KCTD3: variants seen among roughly 807,000 people sequenced by gnomAD.
KCTD3 encodes potassium channel tetramerization domain containing 3.
A neutral mutation model predicts 85.8 loss-of-function variants in KCTD3; 41 were observed. The ratio of observed to expected loss-of-function variants is 0.48; its 90% CI spans 0.37 to 0.62. KCTD3 has a LOEUF of 0.62. Ranked by LOEUF, KCTD3 falls within the 20% of genes least tolerant of loss-of-function variation. KCTD3 has a pLI of 0.00. For synonymous variants in KCTD3, 338 were observed against 345.4 expected (o/e 0.98, Z 0.24); for missense variants, 724 against 989.9 (o/e 0.73, Z 3.60).
chr1:215,581,245 CAATA>C (rs1185684860), intron 8 of KCTD3: 3 of 152,208 alleles, frequency 2.0e-5, no homozygotes, highest in South Asian at 2.1e-4. Flanking sequence ...GACTCTGTCT[CAATA>C]AATAAATAAA....
At chr1:215,569,584 G>A (rs1473013926) in intron 1 of KCTD3, among the ~76,000 whole-genome samples, 11 of 150,148 alleles carry the variant, frequency 7.3e-5, no homozygotes, top group Admixed American at 7.3e-4. Flanking sequence ...AGTTATCTTG[G>A]CACTGTAACT....
At chr1:215,583,870 A>G (rs1659915557) in intron 8 of KCTD3, among the ~76,000 whole-genome samples, 1 of 152,188 alleles carries the variant, frequency 6.6e-6, no homozygotes, top group Non-Finnish European at 1.5e-5. Context: ...ATGACTGAAA[A>G]ATTAATAAGT....
intron 4 of KCTD3, among the ~76,000 whole-genome samples, chr1:215,577,311 T>C (rs1013557191): frequency 3.3e-5 from 5 of 152,136 alleles, no homozygotes; most frequent in African/African-American, 1.2e-4. Flanking sequence ...ATAATTGCGA[T>C]AAAAAGTTAA....
chr1:215,621,208 C>G lies in KCTD3; in HGVS notation c.*590C>G, dbSNP rs1000907999. On this transcript the variant is annotated 3_prime_UTR_variant, in exon 18 of 18. Transcript: ENST00000259154. ...GGATGATTTTAATTTAGTCGTGCGTCATTTTCTGATTCTCATCATTGGGAG... is the reference window on the plus strand; with the variant it reads ...GGATGATTTTAATTTAGTCGTGCGTGATTTTCTGATTCTCATCATTGGGAG... 2.0e-5 allele frequency: 3 copies of G among 152,692 alleles called. No homozygotes were observed. Among genetic ancestry groups the G allele is most frequent in the African/African-American group, 7.2e-5 (3 of 41,566 alleles). The allele number at this position is 152,692 out of a possible 1,614,324, so 9.5% of individuals were successfully genotyped here.
intron 1 of KCTD3, 33 bp from the exon 2 acceptor site, chr1:215,573,753 T>A: frequency 7.6e-7 from 1 of 1,310,862 alleles, no homozygotes; most frequent in Non-Finnish European, 1.1e-6. Context: ...AATCATGTTC[T>A]CACTTATAAT....
chr1:215,601,003 T>G (rs1654812612), intron 10 of KCTD3, among the ~76,000 whole-genome samples: 1 of 151,640 alleles, frequency 6.6e-6, no homozygotes, highest in Non-Finnish European at 1.5e-5. Flanking sequence ...AGTGGCACAA[T>G]CCCCGCTCAC....
At chr1:215,597,607 G>C (rs185314141) in intron 10 of KCTD3, among the ~76,000 whole-genome samples, 296 of 152,270 alleles carry the variant, frequency 1.9e-3, no homozygotes, top group Non-Finnish European at 3.4e-3. Context: ...TGATAGCCTA[G>C]CCTCTAAATA....
At chr1:215,577,347 G>A (rs1389683583) in intron 4 of KCTD3, among the ~76,000 whole-genome samples, 2 of 151,906 alleles carry the variant, frequency 1.3e-5, no homozygotes, top group African/African-American at 4.8e-5. Context: ...TAAAAGAATG[G>A]TTTCCATTCT....
At chr1:215,597,994 A>G (rs1654672698) in intron 10 of KCTD3, among the ~76,000 whole-genome samples, 1 of 152,070 alleles carries the variant, frequency 6.6e-6, no homozygotes, top group Admixed American at 6.6e-5. Flanking sequence ...TTAGATTTAG[A>G]CTTTCTAAAT....
In KCTD3 at chr1:215,567,465, G is replaced by A. The variant is rs1474469502; in HGVS notation, c.-221G>A. On this transcript the variant is annotated 5_prime_UTR_variant, in exon 1 of 18. Coordinates refer to ENST00000259154, the MANE Select transcript of KCTD3 (RefSeq NM_016121.5). The stretch of plus-strand genomic sequence containing the variant: ...TGGAGGCCGCGAAAGGTGGAGGCCG[G>A]GCCGCCCTTGTGCACCGCAGGATTG... 1.9e-5 allele frequency: 5 copies of A among 264,344 alleles called. No homozygotes were observed. Among genetic ancestry groups the A allele is most frequent in the African/African-American group, 6.7e-5 (3 of 44,526 alleles). 16.4% of individuals were successfully genotyped at this position (264,344 alleles called of 1,614,324 possible). A position where few individuals can be genotyped will look rare whatever the true frequency, so the allele number is the denominator to read the frequency against.
At position 215,575,770 on chromosome 1, in the gene KCTD3, AAAGTTT is replaced by A. The variant is rs1659550683; in HGVS notation, c.184-127_184-122del. ...ACTACATTCCAATTTTAGAAACATT[AAAGTTT>A]AAGAGTGGAAACAAGGAAATGTAGT... On this transcript the variant is annotated intron_variant, in intron 3 of 17. Transcript: ENST00000259154. The A allele has an allele frequency of 8.9e-6, 5 of 562,572 alleles. No individual in the cohort carries two copies. The Admixed American group carries it at 1.9e-4, about 21-fold the overall frequency. 34.8% of individuals were successfully genotyped at this position (562,572 alleles called of 1,614,324 possible). A position where few individuals can be genotyped will look rare whatever the true frequency, so the allele number is the denominator to read the frequency against.
At chr1:215,570,817 G>A (rs1659330461) in intron 1 of KCTD3, among the ~76,000 whole-genome samples, 1 of 152,146 alleles carries the variant, frequency 6.6e-6, no homozygotes, top group African/African-American at 2.4e-5. Flanking sequence ...AAACCAGATT[G>A]TACATGACTC....
chr1:215,615,653 G>A (rs992230123), intron 15 of KCTD3, among the ~76,000 whole-genome samples: 1 of 151,918 alleles, frequency 6.6e-6, no homozygotes, highest in East Asian at 1.9e-4. Context: ...TGCATAGGGG[G>A]AAAAAAGTTC....
At chr1:215,577,883 G>A (rs1340199845) in intron 5 of KCTD3, 118 bp from the exon 6 acceptor site, 4 of 1,449,824 alleles carry the variant, frequency 2.8e-6, no homozygotes, top group Non-Finnish European at 3.8e-6. Context: ...TGTCAACTCT[G>A]ACTTAATTAA....
chr1:215,577,825 G>T, intron 5 of KCTD3, 97 bp downstream of exon 5: 2 of 1,279,816 alleles, frequency 1.6e-6, no homozygotes, highest in South Asian at 1.2e-5. Flanking sequence ...ATTTTTGATG[G>T]ACTTGTTCAG....
chr1:215,587,266 A>G (rs555123898), intron 9 of KCTD3, among the ~76,000 whole-genome samples: 1 of 151,856 alleles, frequency 6.6e-6, no homozygotes, highest in Admixed American at 6.6e-5. Flanking sequence ...AGTAGCTGGG[A>G]CTACAGGCAC....
intron 1 of KCTD3, among the ~76,000 whole-genome samples, chr1:215,568,650 A>G (rs561790843): frequency 2.3e-4 from 35 of 152,214 alleles, no homozygotes; most frequent in Middle Eastern, 6.8e-3. Flanking sequence ...TGGTAAGGAG[A>G]TAAACAAGGA....
Position 215,621,473 on chromosome 1 carries a change from C to T in KCTD3, c.*855C>T, listed in dbSNP as rs2102614327. 6.6e-6 allele frequency: 1 copy of T among 152,056 alleles called. No homozygotes were observed. The highest frequency in any genetic ancestry group is 1.5e-5 in the Non-Finnish European group (1 of 67,922). 9.4% of individuals were successfully genotyped at this position (152,056 alleles called of 1,614,324 possible). On this transcript the variant is annotated 3_prime_UTR_variant, in exon 18 of 18. Coordinates refer to ENST00000259154, the MANE Select transcript of KCTD3 (RefSeq NM_016121.5). ...AATTAAATTAAAACACTAGTTTGTT[C>T]ACTTGTAGGACTGCAGTTCTGAATT...
rs1356017829 is a variant in KCTD3, at chr1:215,567,433, G to C, written c.-253G>C. ...CACGGAGAAGAGGCCCGGGCGGCCC[G>C]GCGGCCTGGAGGCCGCGAAAGGTGG... On this transcript the variant is annotated 5_prime_UTR_variant, in exon 1 of 18. Transcript: ENST00000259154. 1 of 235,594 alleles carries C rather than the reference G, an allele frequency of 4.2e-6. No homozygotes were observed. Among genetic ancestry groups the C allele is most frequent in the African/African-American group, 2.3e-5 (1 of 43,906 alleles). The allele number at this position is 235,594 out of a possible 1,614,324, so 14.6% of individuals were successfully genotyped here.
Sources: allele counts gnomAD v4.1 joint callset (sites outside exome capture counted in the v4.1 genomes callset), GRCh38; gene constraint gnomAD v4.1.1; transcripts MANE v1.5; gene names NCBI Gene and HGNC (gene_info 2026-07-23, HGNC 2026-07-21).